IGHMBP2: variants seen among roughly 807,000 people sequenced by gnomAD.
The protein encoded by IGHMBP2 is DNA-binding protein SMUBP-2.
IGHMBP2 carries 81 observed loss-of-function variants against 96.0 expected under a neutral mutation model. The observed-to-expected ratio is 0.84, with a 90% CI of 0.71 to 1.01. The LOEUF is 1.01. IGHMBP2 is among the 50% of genes least tolerant of loss of function. The probability of loss-of-function intolerance (pLI) is 0.00; values close to 1 mark genes in which losing one functional copy is unlikely to be tolerated. For missense variants in IGHMBP2, 1,227 were observed against 1,306.3 expected (o/e 0.94, Z 0.94); for synonymous variants, 557 against 548.9 (o/e 1.01, Z -0.21).
chr11:68,933,223 C>T, intron 8 of IGHMBP2, 76 bp from the exon 9 acceptor site: 7 of 1,436,294 alleles, frequency 4.9e-6, no homozygotes, highest in South Asian at 1.2e-5. Context: ...GGGGCCTGTC[C>T]TCCTCACTTG....
Position 68,934,507 on chromosome 11 carries a change from C to T in IGHMBP2, c.1581C>T (p.Asp527=), listed in dbSNP as rs149736203. The T allele has an allele frequency of 1.9e-4, 299 of 1,612,826 alleles. 5 individuals carry two copies. The South Asian group carries it at 2.4e-3, about 13-fold the overall frequency. Reference sequence around the variant, plus strand: ...GTTTGCACATCCAGGCTCTGGTGGACGCTGGTGTTCCAGCCCGTGACATTG... The same window carrying T: ...GTTTGCACATCCAGGCTCTGGTGGATGCTGGTGTTCCAGCCCGTGACATTG... ...LVSLHIQALV[D]AGVPARDIAV... Residue 527 remains aspartate (D), a synonymous_variant, in exon 11 of 15, where the codon GAC becomes GAT. Coordinates refer to ENST00000255078, the MANE Select transcript of IGHMBP2 (RefSeq NM_002180.3).
At chr11:68,926,209 A>G (rs1859059516) in intron 7 of IGHMBP2, 2 of 149,192 alleles carry the variant, frequency 1.3e-5, no homozygotes, top group African/African-American at 4.9e-5. Flanking sequence ...CTCCTGTTGA[A>G]TCCTTCTAGT....
At chr11:68,922,113 C>G (rs1346465759) in intron 7 of IGHMBP2, among the ~76,000 whole-genome samples, 2 of 151,972 alleles carry the variant, frequency 1.3e-5, no homozygotes, top group African/African-American at 4.8e-5. Context: ...AGTGGATCAC[C>G]TGAGGTCAGG....
chr11:68,939,100 TAGAGTGTGAGGC>T (rs1256369063), intron 14 of IGHMBP2, among the ~76,000 whole-genome samples: 2 of 150,992 alleles, frequency 1.3e-5, no homozygotes, highest in African/African-American at 4.9e-5. Flanking sequence ...GAGTTGGGAG[TAGAGTGTGAGGC>T]AGATGGCTAG....
Position 68,936,655 on chromosome 11 carries a change from C to G in IGHMBP2, c.2175C>G (p.Gly725=). 1 of 1,613,872 alleles carries G rather than the reference C, an allele frequency of 6.2e-7. No individual in the cohort carries two copies. The highest frequency in any genetic ancestry group is 8.5e-7 in the Non-Finnish European group (1 of 1,179,948). Residue 725 remains glycine (G), a synonymous_variant, in exon 13 of 15, where the codon GGC becomes GGG. Transcript: ENST00000255078. ...GSPEGVESQD[G]VDHFRAMIVE... is the part of the protein sequence containing the mutation. ...CAGAGGGAGTGGAGAGCCAAGATGG[C>G]GTGGACCACTTCCGGGCCATGATAG...
intron 2 of IGHMBP2, 93 bp from the exon 3 acceptor site, chr11:68,908,052 G>A (rs1858272630): frequency 9.8e-7 from 1 of 1,018,048 alleles, no homozygotes; most frequent in East Asian, 2.4e-5. Context: ...AAGTAACAAA[G>A]ATAAAATATT....
At chr11:68,905,234 T>C (rs904826929) in intron 1 of IGHMBP2, among the ~76,000 whole-genome samples, 1 of 152,216 alleles carries the variant, frequency 6.6e-6, no homozygotes, top group African/African-American at 2.4e-5. Flanking sequence ...CAGTCAGCCA[T>C]ATGTGGGTAG....
At position 68,915,166 on chromosome 11, in the gene IGHMBP2, C is replaced by CTTTTTTTTTTTTTTTTTTTTTTTTTT. The variant is rs71043470; in HGVS notation, c.912+148_912+173dup. 2.7e-4 allele frequency: 56 copies of CTTTTTTTTTTTTTTTTTTTTTTTTTT among 206,374 alleles called. 9 individuals carry two copies. The highest frequency in any genetic ancestry group is 3.6e-4 in the Non-Finnish European group (45 of 123,780). The allele number at this position is 206,374 out of a possible 1,614,324, so 12.8% of individuals were successfully genotyped here. On this transcript the variant is annotated intron_variant, in intron 6 of 14. Transcript: ENST00000255078. Reference sequence around the variant, plus strand: ...TAATAATTTTAAAAATTGGGCTGCCCTTTTTTTTTTTTTTTTTTTTTTTTT... The same window carrying CTTTTTTTTTTTTTTTTTTTTTTTTTT: ...TAATAATTTTAAAAATTGGGCTGCCCTTTTTTTTTTTTTTTTTTTTTTTTTTTTTTTTTTTTTTTTTTTTTTTTTTT...
At chr11:68,917,663 C>A in intron 6 of IGHMBP2, 73 bp from the exon 7 acceptor site, 2 of 1,193,730 alleles carry the variant, frequency 1.7e-6, no homozygotes, top group Non-Finnish European at 2.5e-6. Flanking sequence ...ATGATAGAAG[C>A]ACTTCATAAA....
chr11:68,936,845 C>A lies in IGHMBP2; in HGVS notation c.2365C>A (p.Pro789Thr), dbSNP rs761789207. The A allele has an allele frequency of 1.1e-5, 17 of 1,613,266 alleles. No individual in the cohort carries two copies. The highest frequency in any genetic ancestry group is 1.7e-6 in the Non-Finnish European group (2 of 1,179,978). The change falls in exon 13 of 15, where the codon CCC (proline) becomes ACC (threonine). Residue 789 changes from proline to threonine, a missense_variant. This residue lies in a region of IGHMBP2 where 703 missense variants were observed against 770.3 expected (regional missense o/e 0.91). Transcript: ENST00000255078. Reference protein sequence around the residue: ...FITVSKRAPRPRAALGPPAGT... With the variant: ...FITVSKRAPRTRAALGPPAGT... The stretch of plus-strand genomic sequence containing the variant: ...CACTGTGAGCAAGAGGGCCCCGCGA[C>A]CCCGAGCAGCCCTGGGACCCCCAGC...
In IGHMBP2 at chr11:68,908,615, T is replaced by G. The variant is rs779086573; in HGVS notation, c.531T>G (p.Ser177Arg). 1.1e-5 allele frequency: 18 copies of G among 1,611,186 alleles called. No individual in the cohort carries two copies. Among genetic ancestry groups the G allele is most frequent in the Non-Finnish European group, 1.4e-5 (17 of 1,177,450 alleles). Residue 177 changes from serine to arginine, a missense_variant, in exon 4 of 15, where the codon AGT becomes AGG. Transcript: ENST00000255078. ...TGCTCTTTGGCAGATCTGCTCCCAG[T>G]CCTGCCAGTGAAATACGTAAGAACT... ...IEVLFGRSAP[S>R]PASEIHPLTF...
chr11:68,924,266 G>A (rs1231426252), intron 7 of IGHMBP2, among the ~76,000 whole-genome samples: 1 of 152,248 alleles, frequency 6.6e-6, no homozygotes, highest in East Asian at 1.9e-4. Flanking sequence ...TTACAGAGCT[G>A]TGTACCTTGT....
intron 1 of IGHMBP2, among the ~76,000 whole-genome samples, chr11:68,904,277 A>AC (rs768414011): frequency 3.3e-5 from 5 of 150,738 alleles, no homozygotes; most frequent in African/African-American, 7.3e-5. Flanking sequence ...CCGACCCGAG[A>AC]CCCCCCACTA....
At chr11:68,927,836 A>G (rs375226567) in intron 7 of IGHMBP2, among the ~76,000 whole-genome samples, 241 of 152,248 alleles carry the variant, frequency 1.6e-3, no homozygotes, top group South Asian at 3.5e-3. Context: ...AGGAATGCCA[A>G]CCCTGTTCTG....
rs113737095 is a variant in IGHMBP2, at chr11:68,929,813, A to G, written c.1235+456A>G. On this transcript the variant is annotated intron_variant, in intron 8 of 14. Transcript: ENST00000255078. ...AACCATGGTTCTGCCGTGCGGAGACACCGGAGCCCTGATGCAGTGGCCTGG... is the reference window on the plus strand; with the variant it reads ...AACCATGGTTCTGCCGTGCGGAGACGCCGGAGCCCTGATGCAGTGGCCTGG... 7,763 of 984,628 alleles carry G rather than the reference A, an allele frequency of 7.9e-3. 478 individuals are homozygous for G. In the African/African-American group the frequency reaches 0.12, roughly 15 times the overall value. The allele number at this position is 984,628 out of a possible 1,614,324, so 61.0% of individuals were successfully genotyped here.
In IGHMBP2 at chr11:68,939,962, T is replaced by C. The variant is rs2154009347; in HGVS notation, c.*231T>C. On this transcript the variant is annotated 3_prime_UTR_variant, in exon 15 of 15. Transcript: ENST00000255078. ...CAACAGTGCTCGTGCAGGTGGGGCT[T>C]GGGAAATGCACGTCCCTTCCCCTTA... The C allele has an allele frequency of 1.7e-6, 1 of 576,736 alleles. No homozygotes were observed. Among genetic ancestry groups the C allele is most frequent in the Non-Finnish European group, 3.1e-6 (1 of 323,598 alleles). The allele number at this position is 576,736 out of a possible 1,614,324, so 35.7% of individuals were successfully genotyped here.
At position 68,909,776 on chromosome 11, in the gene IGHMBP2, C is replaced by T. The variant is rs191680815; in HGVS notation, c.547+1145C>T. 2.5e-3 allele frequency among the ~76,000 whole-genome samples: 376 copies of T among 151,910 alleles called. 1 individual carries two copies. Among genetic ancestry groups the T allele is most frequent in the African/African-American group, 7.4e-3 (307 of 41,434 alleles). ...CCAAGTAGTTGGGATTACAGGTGCC[C>T]GCCACCATGCCCGGCTAATTTTTGT... On this transcript the variant is annotated intron_variant, in intron 4 of 14. Transcript: ENST00000255078.
chr11:68,939,366 C>A (rs1191559014), intron 14 of IGHMBP2, among the ~76,000 whole-genome samples, 168 bp from the exon 15 acceptor site: 1 of 152,184 alleles, frequency 6.6e-6, no homozygotes, highest in Non-Finnish European at 1.5e-5. Context: ...TGCAGACCAC[C>A]CCGCCGCTCT....
intron 8 of IGHMBP2, chr11:68,930,372 G>T (rs1859242067): frequency 7.8e-7 from 1 of 1,289,692 alleles, no homozygotes; most frequent in South Asian, 1.2e-5. Flanking sequence ...GGAAGAAGAT[G>T]TGCAAGAAAT....
Sources: gnomAD v4.1 joint callset for allele counts (sites outside exome capture counted in the v4.1 genomes callset) on GRCh38, gnomAD v4.1.1 for gene constraint, gnomAD v4.1.1 regional missense constraint, MANE v1.5 for transcripts, NCBI Gene and HGNC (gene_info 2026-07-23, HGNC 2026-07-21) for gene names.